The following ASIC2 variants were observed in gnomAD, a reference collection of about 807,000 sequenced individuals.
ASIC2 encodes acid-sensing ion channel 2.
In ASIC2, 25 loss-of-function variants were observed where a neutral mutation model predicts 57.3. That is an observed-to-expected ratio of 0.44 (90% CI 0.32 to 0.61). The LOEUF (loss-of-function observed/expected upper bound fraction) is 0.61. Among genes scored for constraint, ASIC2 ranks in the 20% least tolerant of loss-of-function variants. ASIC2 has a pLI of 0.06. For missense variants in ASIC2, 641 were observed against 738.1 expected, an observed-to-expected ratio of 0.87 and a Z score of 1.52; for synonymous variants, 319 against 307.5, an observed-to-expected ratio of 1.04 and a Z score of -0.39.
At chr17:33,424,270 C>T (rs1398446014) in intron 1 of ASIC2, among the ~76,000 whole-genome samples, 1 of 152,198 alleles carries the variant, frequency 6.6e-6, no homozygotes, top group African/African-American at 2.4e-5. Context: ...CTCCAGCACA[C>T]TATGTGGCTG....
intron 1 of ASIC2, among the ~76,000 whole-genome samples, chr17:33,166,361 G>T (rs998562890): frequency 6.6e-6 from 1 of 152,144 alleles, no homozygotes; most frequent in Non-Finnish European, 1.5e-5. Context: ...CATTGTTGGG[G>T]GGAGAAAAAG....
intron 1 of ASIC2, among the ~76,000 whole-genome samples, chr17:34,032,370 C>T (rs1372897251): frequency 6.6e-6 from 1 of 152,170 alleles, no homozygotes; most frequent in Non-Finnish European, 1.5e-5. Context: ...AAGCACTAAA[C>T]ATGGAAAGGA....
chr17:34,134,223 T>C (rs1408700632), intron 1 of ASIC2, among the ~76,000 whole-genome samples: 2 of 152,078 alleles, frequency 1.3e-5, no homozygotes, highest in Non-Finnish European at 2.9e-5. Context: ...GGTTTGGGGG[T>C]GAACAATGAT....
intron 3 of ASIC2, among the ~76,000 whole-genome samples, chr17:33,086,333 T>G (rs1461706387): frequency 6.6e-6 from 1 of 152,212 alleles, no homozygotes; most frequent in Non-Finnish European, 1.5e-5. Context: ...AATAACAATG[T>G]AGATAGCAAA....
At chr17:34,037,515 A>G in intron 1 of ASIC2, 1 of 1,231,780 alleles carries the variant, frequency 8.1e-7, no homozygotes, top group South Asian at 1.5e-5. Context: ...AGCACCTGGT[A>G]CAGGTTTCAT....
chr17:33,623,127 T>C (rs1905852164), intron 1 of ASIC2, among the ~76,000 whole-genome samples: 1 of 152,156 alleles, frequency 6.6e-6, no homozygotes, highest in East Asian at 1.9e-4. Context: ...CTTAGAGAAG[T>C]TAAGAAACCC....
chr17:33,169,802 C>T (rs1327264201), intron 1 of ASIC2, among the ~76,000 whole-genome samples: 4 of 152,238 alleles, frequency 2.6e-5, no homozygotes, highest in Non-Finnish European at 4.4e-5. Flanking sequence ...ATGTGCCTCT[C>T]ACCCACCTTC....
rs3025234 is a variant in ASIC2 at position 33,040,648 on chromosome 17, G to A, written c.988-12256C>T. Among the ~76,000 whole-genome samples the A allele has an allele frequency of 1.1e-3, 168 of 152,326 alleles. 2 individuals carry two copies. The South Asian group carries it at 0.027, about 25-fold the overall frequency. On this transcript the variant is annotated intron_variant, in intron 3 of 9. Transcript: ENST00000225823. ...TTTGTCTGGAGAAACCGATCAAGAC[G>A]AGGCCAGCATGACCCTGGCTTAGAG...
At chr17:34,079,481 G>C (rs1187573034) in intron 1 of ASIC2, among the ~76,000 whole-genome samples, 4 of 152,152 alleles carry the variant, frequency 2.6e-5, no homozygotes, top group Non-Finnish European at 5.9e-5. Flanking sequence ...AGGTAGACCA[G>C]GTACCTCACT....
At chr17:33,975,593 T>A (rs1294616614) in intron 1 of ASIC2, among the ~76,000 whole-genome samples, 2 of 152,256 alleles carry the variant, frequency 1.3e-5, no homozygotes, top group East Asian at 3.9e-4. Flanking sequence ...TCCCATGGAA[T>A]CAAGGTCATA....
intron 1 of ASIC2, among the ~76,000 whole-genome samples, chr17:34,146,014 G>T (rs1420625222): frequency 6.6e-6 from 1 of 152,240 alleles, no homozygotes; most frequent in Non-Finnish European, 1.5e-5. Context: ...TGATAAAAGT[G>T]TATGCTAGAA....
intron 3 of ASIC2, among the ~76,000 whole-genome samples, chr17:33,076,189 G>A (rs28526609): frequency 0.024 from 3,693 of 152,192 alleles, 139 homozygotes; most frequent in African/African-American, 0.076. Context: ...TCTTTCAAAC[G>A]TTGCTTTTCC....
At position 33,291,675 on chromosome 17, in the gene ASIC2, G is replaced by A. The variant is rs1905458825; in HGVS notation, c.441C>T (p.Ser147=). ...GGCCGGCATAGTAGAGGTCCCCCTT[G>A]GAGAGGCGCGGGAAGCGCAGCGGGT... ...NNNPLRFPRL[S]KGDLYYAGHW... The change falls in exon 1 of 10, where the codon TCC becomes TCT. Residue 147 remains serine (S), a synonymous_variant. Coordinates refer to ENST00000225823, the MANE Select transcript of ASIC2 (RefSeq NM_183377.2). The A allele has an allele frequency of 3.7e-6, 6 of 1,613,396 alleles. No individual in the cohort carries two copies. The highest frequency in any genetic ancestry group is 5.1e-6 in the Non-Finnish European group (6 of 1,179,872).
intron 1 of ASIC2, among the ~76,000 whole-genome samples, chr17:33,457,383 A>T (rs1227369316): frequency 6.6e-6 from 1 of 152,132 alleles, no homozygotes; most frequent in East Asian, 1.9e-4. Context: ...TGTAGAGAGA[A>T]ATATCAACTT....
chr17:33,108,212 G>A (rs149566886), intron 2 of ASIC2, among the ~76,000 whole-genome samples: 253 of 152,254 alleles, frequency 1.7e-3, no homozygotes, highest in African/African-American at 5.7e-3. Flanking sequence ...GCTTGACCTG[G>A]TCATGCCATT....
intron 1 of ASIC2, among the ~76,000 whole-genome samples, chr17:33,578,786 C>T (rs1466729952): frequency 4.6e-5 from 5 of 108,710 alleles, no homozygotes; most frequent in African/African-American, 1.9e-4. Flanking sequence ...TTCGCATAAT[C>T]CTAAGATTAG....
rs946696919 is a variant in ASIC2, at chr17:33,283,881, C to A, written c.708+7527G>T. Among the ~76,000 whole-genome samples, 3 of 152,166 alleles carry A rather than the reference C, an allele frequency of 2.0e-5. No homozygotes were observed. In the South Asian group the frequency reaches 6.2e-4, roughly 32 times the overall value. The stretch of plus-strand genomic sequence containing the variant: ...TGTCTGGCCAAAGCTGCACCAAGAT[C>A]TTTTTGTGGGAACAATTGTGATGCA... On this transcript the variant is annotated intron_variant, in intron 1 of 9. Coordinates refer to ENST00000225823, the MANE Select transcript of ASIC2 (RefSeq NM_183377.2).
chr17:33,758,861 T>C (rs1204219104), intron 1 of ASIC2, among the ~76,000 whole-genome samples: 1 of 151,372 alleles, frequency 6.6e-6, no homozygotes, highest in Non-Finnish European at 1.5e-5. Flanking sequence ...TCCTTTTCTT[T>C]ATAAATTACC....
chr17:33,600,502 G>A (rs1448760388), intron 1 of ASIC2, among the ~76,000 whole-genome samples: 1 of 152,250 alleles, frequency 6.6e-6, no homozygotes, highest in Non-Finnish European at 1.5e-5. Context: ...ATCTGAAAAT[G>A]TGGAAATGGC....
Sources: gnomAD v4.1 joint callset for allele counts (sites outside exome capture counted in the v4.1 genomes callset) on GRCh38, gnomAD v4.1.1 for gene constraint, MANE v1.5 for transcripts, NCBI Gene and HGNC (gene_info 2026-07-23, HGNC 2026-07-21) for gene names.